The following HIF1A variants were observed in gnomAD, a reference collection of about 807,000 sequenced individuals.
HIF1A encodes the protein hypoxia-inducible factor 1-alpha.
In HIF1A, 24 loss-of-function variants were observed where a neutral mutation model predicts 92.7. That is an observed-to-expected ratio of 0.26 (90% CI 0.19 to 0.36). The LOEUF is 0.36. Among genes scored for constraint, HIF1A ranks in the 10% least tolerant of loss-of-function variants. The pLI is 1.00. For missense variants in HIF1A, 799 were observed against 998.5 expected (o/e 0.80, Z 2.69); for synonymous variants, 319 against 338.7 (o/e 0.94, Z 0.64).
rs765856266 is a variant in HIF1A at position 61,740,818 on chromosome 14, C to T, written c.1723C>T (p.Arg575Cys). Residue 575 changes from arginine (R) to cysteine (C), a missense_variant, in exon 12 of 15, where the codon CGT becomes TGT. By Grantham distance (180) the Arg-to-Cys change is radical. This residue lies in a region of HIF1A where 516 missense variants were observed against 721.0 expected (regional missense o/e 0.72). Coordinates refer to ENST00000337138, the MANE Select transcript of HIF1A (RefSeq NM_001530.4). ...CCCAATGGATGATGACTTCCAGTTACGTTCCTTCGATCAGTTGTCACCATT... is the reference window on the plus strand; with the variant it reads ...CCCAATGGATGATGACTTCCAGTTATGTTCCTTCGATCAGTTGTCACCATT... ...YIPMDDDFQL[R>C]SFDQLSPLES... The T allele has an allele frequency of 3.7e-6, 6 of 1,613,922 alleles. No individual in the cohort carries two copies. The highest frequency in any genetic ancestry group is 2.2e-5 in the East Asian group (1 of 44,898).
chr14:61,741,069 A>G lies in HIF1A; in HGVS notation c.1974A>G (p.Pro658=). 6.2e-7 allele frequency: 1 copy of G among 1,614,010 alleles called. No individual in the cohort carries two copies. The highest frequency in any genetic ancestry group is 8.5e-7 in the Non-Finnish European group (1 of 1,179,812). Residue 658 remains proline, a synonymous_variant, in exon 12 of 15, where the codon CCA becomes CCG. Coordinates refer to ENST00000337138, the MANE Select transcript of HIF1A (RefSeq NM_001530.4). Reference sequence around the variant, plus strand: ...AAACTACTAGTGCCACATCATCACCATATAGAGATACTCAAAGTCGGACAG... The same window carrying G: ...AAACTACTAGTGCCACATCATCACCGTATAGAGATACTCAAAGTCGGACAG... ...HKETTSATSS[P]YRDTQSRTAS...
chr14:61,745,307 C>T (rs1224630456), intron 13 of HIF1A, among the ~76,000 whole-genome samples: 1 of 152,112 alleles, frequency 6.6e-6, no homozygotes. Flanking sequence ...ACTATAATCC[C>T]AGCCACTCTG....
chr14:61,730,274 T>C (rs1365350638), intron 6 of HIF1A, among the ~76,000 whole-genome samples: 1 of 152,194 alleles, frequency 6.6e-6, no homozygotes, highest in Non-Finnish European at 1.5e-5. Flanking sequence ...TTAACCTCAC[T>C]TTTCTTGCTC....
chr14:61,695,648 C>T lies in HIF1A; in HGVS notation c.-157C>T. ...GGGCCCGGACCCCGGCGATTGCCGC[C>T]CGCTTCTCTCTAGTCTCACGAGGGG... On this transcript the variant is annotated 5_prime_UTR_variant, in exon 1 of 15. Coordinates refer to ENST00000337138, the MANE Select transcript of HIF1A (RefSeq NM_001530.4). 1 of 773,724 alleles carries T rather than the reference C, an allele frequency of 1.3e-6. No individual in the cohort carries two copies. Among genetic ancestry groups the T allele is most frequent in the East Asian group, 2.8e-5 (1 of 35,968 alleles). 47.9% of individuals were successfully genotyped at this position (773,724 alleles called of 1,614,324 possible).
chr14:61,738,721 A>G (rs1376562438), intron 10 of HIF1A, among the ~76,000 whole-genome samples: 1 of 152,104 alleles, frequency 6.6e-6, no homozygotes, highest in East Asian at 1.9e-4. Context: ...TACAGCCTAT[A>G]CCTGTTACCC....
At chr14:61,714,541 A>AT (rs1324506987) in intron 1 of HIF1A, among the ~76,000 whole-genome samples, 2 of 152,208 alleles carry the variant, frequency 1.3e-5, no homozygotes, top group Non-Finnish European at 2.9e-5. Context: ...ATTATACAAA[A>AT]TTCTGGAGGA....
At chr14:61,713,915 G>A (rs1365130791) in intron 1 of HIF1A, among the ~76,000 whole-genome samples, 1 of 152,088 alleles carries the variant, frequency 6.6e-6, no homozygotes, top group East Asian at 1.9e-4. Flanking sequence ...GTTGGTGTCC[G>A]CTGCAGAACT....
At chr14:61,696,255 G>T (rs1566557100) in intron 1 of HIF1A, among the ~76,000 whole-genome samples, 2 of 152,362 alleles carry the variant, frequency 1.3e-5, no homozygotes, top group East Asian at 3.9e-4. Flanking sequence ...CGGAGCTTCC[G>T]CTCCTTCCCG....
intron 10 of HIF1A, chr14:61,740,082 T>TTTTC (rs2044689037): frequency 7.0e-6 from 1 of 142,930 alleles, no homozygotes; most frequent in African/African-American, 2.6e-5. Context: ...TTTTTTTTTT[T>TTTTC]TTTGACATGG....
intron 5 of HIF1A, 83 bp downstream of exon 5, chr14:61,726,901 G>T: frequency 1.3e-6 from 1 of 758,554 alleles, no homozygotes. Flanking sequence ...AGAATTGTGA[G>T]GGAAGGTTTA....
In HIF1A at chr14:61,724,336, C is replaced by T. The variant is rs184998069; in HGVS notation, c.458-2370C>T. ...ACAACCATCAACACCTACACACACA[C>T]GACACACACACATTCTCTCTCTCTC... On this transcript the variant is annotated intron_variant, in intron 4 of 14. Coordinates refer to ENST00000337138, the MANE Select transcript of HIF1A (RefSeq NM_001530.4). Among the ~76,000 whole-genome samples the T allele has an allele frequency of 4.1e-4, 27 of 65,528 alleles. No individual in the cohort carries two copies. The East Asian group carries it at 4.9e-3, about 12-fold the overall frequency. 43.0% of individuals were successfully genotyped at this position (65,528 alleles called of 152,430 possible). A position where few individuals can be genotyped will look rare whatever the true frequency, so the allele number is the denominator to read the frequency against.
At chr14:61,735,188 T>C (rs1190313642) in intron 8 of HIF1A, among the ~76,000 whole-genome samples, 3 of 152,240 alleles carry the variant, frequency 2.0e-5, no homozygotes, top group African/African-American at 7.2e-5. Context: ...TTTAGCGATC[T>C]TTTTATCATT....
rs189775320 is a variant in HIF1A, at chr14:61,745,855, C to G, written c.2329+38C>G. On this transcript the variant is annotated intron_variant, in intron 14 of 14. Transcript: ENST00000337138. ...TTTTTGACCTTGAACATCACAAAGA[C>G]AAAATACATGAAACATTTTTATTTA... 347 of 1,516,108 alleles carry G rather than the reference C, an allele frequency of 2.3e-4. 2 individuals are homozygous for G. In the African/African-American group the frequency reaches 4.3e-3, roughly 19 times the overall value. The allele number at this position is 1,516,108 out of a possible 1,614,324, so 93.9% of individuals were successfully genotyped here. A position where few individuals can be genotyped will look rare whatever the true frequency, so the allele number is the denominator to read the frequency against.
At chr14:61,713,156 G>A (rs2044326553) in intron 1 of HIF1A, among the ~76,000 whole-genome samples, 1 of 152,090 alleles carries the variant, frequency 6.6e-6, no homozygotes, top group Admixed American at 6.6e-5. Context: ...AGGATAAAGA[G>A]GTGGACAGGG....
intron 10 of HIF1A, 86 bp from the exon 11 acceptor site, chr14:61,740,419 T>C: frequency 1.0e-6 from 1 of 1,004,580 alleles, no homozygotes; most frequent in Admixed American, 2.5e-5. Context: ...TTTCTGGTTT[T>C]TCTGAGATCT....
At chr14:61,699,337 G>A (rs1439873147) in intron 1 of HIF1A, among the ~76,000 whole-genome samples, 3 of 152,118 alleles carry the variant, frequency 2.0e-5, no homozygotes, top group South Asian at 2.1e-4. Context: ...TACTTTTAAC[G>A]CCATTGTCTG....
chr14:61,721,220 G>A (rs577114605), intron 2 of HIF1A, among the ~76,000 whole-genome samples: 3 of 152,072 alleles, frequency 2.0e-5, no homozygotes, highest in Non-Finnish European at 2.9e-5. Flanking sequence ...CAGCCTGGGC[G>A]GCAGAGTGAG....
At position 61,732,532 on chromosome 14, in the gene HIF1A, C is replaced by T. The variant is rs1160950260; in HGVS notation, c.880+8C>T. On this transcript the variant is annotated splice_region_variant and intron_variant, in intron 7 of 14. Coordinates refer to ENST00000337138, the MANE Select transcript of HIF1A (RefSeq NM_001530.4). ...CCAAAACTCATCATGATAGTAAGTACAATGGAAGAACTCAGAGATATTCTA... is the reference window on the plus strand; with the variant it reads ...CCAAAACTCATCATGATAGTAAGTATAATGGAAGAACTCAGAGATATTCTA... 2 of 1,463,444 alleles carry T rather than the reference C, an allele frequency of 1.4e-6. No homozygotes were observed. The highest frequency in any genetic ancestry group is 1.9e-6 in the Non-Finnish European group (2 of 1,044,532). The allele number at this position is 1,463,444 out of a possible 1,614,324, so 90.7% of individuals were successfully genotyped here.
Position 61,695,757 on chromosome 14 carries a change from G to T in HIF1A, c.-48G>T. ...AGGGAGCCAGCGCTTAGGCCGGAGC[G>T]AGCCTGGGGGCCGCCCGCCGTGAAG... On this transcript the variant is annotated 5_prime_UTR_variant, in exon 1 of 15. Coordinates refer to ENST00000337138, the MANE Select transcript of HIF1A (RefSeq NM_001530.4). 2 of 1,563,622 alleles carry T rather than the reference G, an allele frequency of 1.3e-6. No individual in the cohort carries two copies. The highest frequency in any genetic ancestry group is 1.2e-5 in the South Asian group (1 of 85,094).
Sources: gnomAD v4.1 joint callset for allele counts (sites outside exome capture counted in the v4.1 genomes callset) on GRCh38, gnomAD v4.1.1 for gene constraint, gnomAD v4.1.1 regional missense constraint, MANE v1.5 for transcripts, NCBI Gene and HGNC (gene_info 2026-07-23, HGNC 2026-07-21) for gene names.